Variants in OGG1 observed in about 807,000 individuals in gnomAD.
The protein encoded by OGG1 is 8-oxoguanine DNA glycosylase.
In OGG1, 35 loss-of-function variants were observed where a neutral mutation model predicts 42.3. That is an observed-to-expected ratio of 0.83 (90% CI 0.63 to 1.10). OGG1 has a LOEUF of 1.10. Ranked by LOEUF, OGG1 falls within the 50% of genes least tolerant of loss-of-function variation. OGG1 has a pLI of 0.00. For synonymous variants in OGG1, 189 were observed against 179.0 expected, an observed-to-expected ratio of 1.06 and a Z score of -0.44; for missense variants, 484 against 446.7, an observed-to-expected ratio of 1.08 and a Z score of -0.75.
At chr3:9,784,043 T>C in intron 3 of OGG1, 1 of 1,613,966 alleles carries the variant, frequency 6.2e-7, no homozygotes, top group South Asian at 1.1e-5. Flanking sequence ...CAGGTCGTGC[T>C]TCTTGGTGCG....
intron 4 of OGG1, among the ~76,000 whole-genome samples, chr3:9,755,841 G>C (rs1559687595): frequency 1.3e-5 from 2 of 152,036 alleles, no homozygotes; most frequent in Non-Finnish European, 2.9e-5. Flanking sequence ...TTGGACTACA[G>C]CCTAACATTA....
At chr3:9,761,359 G>T, downstream of OGG1, 2 of 1,179,752 alleles carry the variant, frequency 1.7e-6, no homozygotes, top group Admixed American at 2.3e-5. Flanking sequence ...AGGGAGGGAG[G>T]GAAGGAAGGG....
At chr3:9,784,234 G>T (rs373491526) in intron 3 of OGG1, 1 of 1,591,570 alleles carries the variant, frequency 6.3e-7, no homozygotes, top group Admixed American at 1.7e-5. Flanking sequence ...AGGCAGGCCC[G>T]TCAGACTCAA....
At chr3:9,786,039 T>C (rs1246495559) in intron 3 of OGG1, among the ~76,000 whole-genome samples, 5 of 152,100 alleles carry the variant, frequency 3.3e-5, no homozygotes, top group African/African-American at 1.2e-4. Flanking sequence ...CCTGGGTTCA[T>C]GCCATTCTCC....
chr3:9,757,559 TG>T, downstream of OGG1: 2 of 1,613,928 alleles, frequency 1.2e-6, no homozygotes, highest in Non-Finnish European at 8.5e-7. The surrounding 1 kb of genome is among the most constrained non-coding windows in gnomAD (Gnocchi z 4.5). Context: ...TGGGGCAGTG[TG>T]GGGGACAGTT....
chr3:9,780,933 G>C (rs1219673225), intron 2 of OGG1, among the ~76,000 whole-genome samples: 1 of 152,122 alleles, frequency 6.6e-6, no homozygotes, highest in African/African-American at 2.4e-5. Flanking sequence ...GAGCCCAGGA[G>C]TTCGAGACCA....
At chr3:9,780,215 T>G in intron 2 of OGG1, 1 of 854,590 alleles carries the variant, frequency 1.2e-6, no homozygotes, top group Non-Finnish European at 1.8e-6. Context: ...CCAAAAGACC[T>G]CAGGGGAAGG....
At chr3:9,759,387 G>A, downstream of OGG1, 10 of 1,565,530 alleles carry the variant, frequency 6.4e-6, no homozygotes, top group Non-Finnish European at 8.8e-6. Flanking sequence ...AGCAGTTACT[G>A]TGTGCCCAGT....
rs778036721 is a variant in OGG1, at chr3:9,754,798, C to T, written c.660C>T (p.Gly220=). Residue 220 remains glycine (G), a synonymous_variant, in exon 4 of 7, where the codon GGC becomes GGT. Transcript: ENST00000344629. ...ASARAILEEQ[G]GLAWLQQLRE... ...CCCGAGCCATCCTGGAAGAACAGGG[C>T]GGGCTAGCCTGGCTGCAGCAGCTAC... 1.5e-5 allele frequency: 25 copies of T among 1,613,478 alleles called. No individual in the cohort carries two copies. Among genetic ancestry groups the T allele is most frequent in the South Asian group, 4.4e-5 (4 of 90,884 alleles).
chr3:9,785,564 A>G, intron 3 of OGG1: 1 of 600,628 alleles, frequency 1.7e-6, no homozygotes, highest in Non-Finnish European at 2.9e-6. Flanking sequence ...AAGCCTTCCC[A>G]TACCAATCCC....
chr3:9,754,167 G>T (rs2077433525), intron 3 of OGG1, among the ~76,000 whole-genome samples: 1 of 152,168 alleles, frequency 6.6e-6, no homozygotes, highest in Non-Finnish European at 1.5e-5. Flanking sequence ...AGGTCTTGGT[G>T]TCCCAGACCT....
chr3:9,751,835 A>G lies in OGG1; in HGVS notation c.451A>G (p.Asn151Asp). 6.2e-7 allele frequency: 1 copy of G among 1,614,156 alleles called. No homozygotes were observed. The highest frequency in any genetic ancestry group is 1.1e-5 in the South Asian group (1 of 91,086). ...CTCTTTTATCTGTTCCTCCAACAAC[A>G]ACATCGCCCGCATCACTGGCATGGT... ...LFSFICSSNN[N>D]IARITGMVER... The change falls in exon 3 of 7, where the codon AAC becomes GAC. Residue 151 changes from asparagine to aspartate, a missense_variant. By Grantham distance (23) the Asn-to-Asp change is conservative (BLOSUM62 1). Coordinates refer to ENST00000344629, the MANE Select transcript of OGG1 (RefSeq NM_002542.6).
chr3:9,784,306 C>T, intron 3 of OGG1: 1 of 1,462,902 alleles, frequency 6.8e-7, no homozygotes, highest in South Asian at 1.4e-5. Context: ...TCAGTGAAAA[C>T]CTGCCTTTCC....
chr3:9,763,060 A>AGGGG, intron 7 of OGG1: 1 of 1,614,152 alleles, frequency 6.2e-7, no homozygotes. Flanking sequence ...ACCCTGCAGC[A>AGGGG]GGGGATAGGG....
At position 9,765,826 on chromosome 3, in the gene OGG1, A is replaced by AT; in HGVS notation, c.1069dup (p.Ter357LeufsTer62). 1 of 1,614,032 alleles carries AT rather than the reference A, an allele frequency of 6.2e-7. No homozygotes were observed. The highest frequency in any genetic ancestry group is 8.5e-7 in the Non-Finnish European group (1 of 1,179,980). ...CCCTCCAGGGCCTCCTTGGCAATGC[A>AT]TTTGATGGCCACCAGCTTCTGCGTC... On this transcript the variant is annotated frameshift_variant, in exon 8 of 8. Coordinates refer to the OGG1 transcript ENST00000302008. LOFTEE classifies it high-confidence loss of function.
At chr3:9,774,680 C>CA (rs1251202310) in intron 2 of OGG1, among the ~76,000 whole-genome samples, 1 of 151,902 alleles carries the variant, frequency 6.6e-6, no homozygotes, top group Non-Finnish European at 1.5e-5. Flanking sequence ...ACTAGTGATA[C>CA]AAAAAAGTAC....
chr3:9,761,783 G>T (rs1291932295), downstream of OGG1: 1 of 1,613,312 alleles, frequency 6.2e-7, no homozygotes, highest in African/African-American at 1.3e-5. Context: ...GGAAGAGAAG[G>T]GGCAATCAGA....
downstream of OGG1, chr3:9,761,870 G>GACA (rs1415643869): frequency 6.3e-5 from 91 of 1,452,612 alleles, no homozygotes; most frequent in Non-Finnish European, 7.7e-5. Flanking sequence ...AAGCCACTGT[G>GACA]GCTTCATGGC....
chr3:9,784,155 G>T (rs1442586852), intron 3 of OGG1: 2 of 1,614,140 alleles, frequency 1.2e-6, no homozygotes, highest in Non-Finnish European at 1.7e-6. Context: ...GACTCCAAAA[G>T]GCCCTGGGCA....
Sources: allele counts gnomAD v4.1 joint callset (sites outside exome capture counted in the v4.1 genomes callset), GRCh38; gene constraint gnomAD v4.1.1; non-coding constraint Gnocchi (gnomAD v3.1); transcripts MANE v1.5; gene names NCBI Gene and HGNC (gene_info 2026-07-23, HGNC 2026-07-21).